The following PRKCI variants were observed in gnomAD, a reference collection of about 807,000 sequenced individuals.
PRKCI encodes the protein protein kinase C iota, also known as protein kinase C iota type.
Under a neutral mutation model 84.0 loss-of-function variants are expected in PRKCI, and 43 were observed. That is an observed-to-expected ratio of 0.51 (90% CI 0.40 to 0.66). PRKCI has a LOEUF of 0.66. Ranked by LOEUF, PRKCI falls within the 30% of genes least tolerant of loss-of-function variation. PRKCI has a pLI of 0.00. For synonymous variants in PRKCI, 216 were observed against 234.4 expected (o/e 0.92, Z 0.72); for missense variants, 459 against 745.6 (o/e 0.62, Z 4.48).
intron 12 of PRKCI, among the ~76,000 whole-genome samples, chr3:170,290,705 G>A (rs1407912171): frequency 6.6e-6 from 1 of 151,400 alleles, no homozygotes; most frequent in East Asian, 1.9e-4. Flanking sequence ...TTTACTCTTT[G>A]TATTTTGAGG....
chr3:170,297,128 C>T (rs900298100), intron 15 of PRKCI, among the ~76,000 whole-genome samples, 176 bp from the exon 16 acceptor site: 1 of 152,164 alleles, frequency 6.6e-6, no homozygotes, highest in Non-Finnish European at 1.5e-5. Context: ...CTTGAGGAAT[C>T]ACAAGTTTCA....
intron 13 of PRKCI, 170 bp from the exon 14 acceptor site, chr3:170,293,210 CTTG>C: frequency 1.9e-6 from 1 of 513,648 alleles, no homozygotes; most frequent in Middle Eastern, 5.4e-4. Context: ...GGTACCTACC[CTTG>C]TTGATAAATG....
intron 8 of PRKCI, 191 bp from the exon 9 acceptor site, chr3:170,280,036 A>G (rs943703760): frequency 7.4e-5 from 33 of 446,520 alleles, no homozygotes; most frequent in Admixed American, 1.3e-4. Context: ...TCTTATCTCA[A>G]AATTCATCCA....
chr3:170,260,138 A>G (rs1733686988), intron 3 of PRKCI, 80 bp downstream of exon 3: 8 of 915,990 alleles, frequency 8.7e-6, no homozygotes, highest in Non-Finnish European at 1.3e-5. Flanking sequence ...ATTTTGAAAC[A>G]TAATCTTAAT....
At chr3:170,228,338 G>T (rs1732688571) in intron 1 of PRKCI, among the ~76,000 whole-genome samples, 2 of 152,180 alleles carry the variant, frequency 1.3e-5, no homozygotes, top group African/African-American at 2.4e-5. Flanking sequence ...GGTGGTTCAT[G>T]CCTGTAATCC....
chr3:170,242,227 A>G (rs762066948), intron 2 of PRKCI, among the ~76,000 whole-genome samples: 53 of 152,248 alleles, frequency 3.5e-4, no homozygotes, highest in Admixed American at 8.5e-4. Context: ...TGTGTAGCCA[A>G]TGCTACTTCA....
At chr3:170,229,521 T>G (rs1223839627) in intron 1 of PRKCI, among the ~76,000 whole-genome samples, 2 of 152,178 alleles carry the variant, frequency 1.3e-5, no homozygotes, top group African/African-American at 4.8e-5. Context: ...GGTCTCAAGC[T>G]CCTGTGCTCA....
intron 4 of PRKCI, 118 bp downstream of exon 4, chr3:170,263,547 A>T: frequency 1.3e-6 from 1 of 775,962 alleles, no homozygotes; most frequent in South Asian, 2.0e-5. Flanking sequence ...AATGCCTGTA[A>T]TCCCAGCACT....
At chr3:170,275,155 T>G in intron 7 of PRKCI, 74 bp from the exon 8 acceptor site, 1 of 1,402,380 alleles carries the variant, frequency 7.1e-7, no homozygotes, top group Non-Finnish European at 9.3e-7. Context: ...TATTTCAAAC[T>G]CATTAATGGT....
At chr3:170,268,070 G>A in intron 5 of PRKCI, 70 bp downstream of exon 5, 1 of 1,285,258 alleles carries the variant, frequency 7.8e-7, no homozygotes, top group East Asian at 2.4e-5. Flanking sequence ...TGAAAGAAAG[G>A]TAGTTTGTTA....
intron 1 of PRKCI, among the ~76,000 whole-genome samples, chr3:170,230,228 TGATCTC>T (rs1732749876): frequency 6.6e-6 from 1 of 151,560 alleles, no homozygotes; most frequent in Non-Finnish European, 1.5e-5. Context: ...CCCAGTGGCG[TGATCTC>T]GTCTTACTGC....
At chr3:170,235,421 A>AT in intron 2 of PRKCI, 70 bp downstream of exon 2, 1 of 1,538,682 alleles carries the variant, frequency 6.5e-7, no homozygotes, top group Non-Finnish European at 8.9e-7. Context: ...TTGTAAAAAT[A>AT]TAATGAGTCC....
intron 8 of PRKCI, 76 bp from the exon 9 acceptor site, chr3:170,280,151 A>G: frequency 8.0e-7 from 1 of 1,246,872 alleles, no homozygotes; most frequent in Non-Finnish European, 1.1e-6. Context: ...CGTTATAGGT[A>G]CAACTAGGTG....
chr3:170,269,685 G>A (rs996827830), intron 5 of PRKCI, among the ~76,000 whole-genome samples: 9 of 151,958 alleles, frequency 5.9e-5, no homozygotes, highest in Non-Finnish European at 7.4e-5. Context: ...GACCAAGTGC[G>A]GTGGCTCACA....
At chr3:170,264,730 T>G (rs1028241520) in intron 4 of PRKCI, among the ~76,000 whole-genome samples, 3 of 152,186 alleles carry the variant, frequency 2.0e-5, no homozygotes, top group South Asian at 2.1e-4. Flanking sequence ...TTGGACACAT[T>G]AAAATTGTGG....
At chr3:170,290,415 A>G (rs1175653346) in intron 12 of PRKCI, among the ~76,000 whole-genome samples, 2 of 152,010 alleles carry the variant, frequency 1.3e-5, no homozygotes, top group Non-Finnish European at 2.9e-5. Context: ...ATGTGTACTT[A>G]AAAGGATATA....
intron 4 of PRKCI, among the ~76,000 whole-genome samples, 194 bp downstream of exon 4, chr3:170,263,623 G>A (rs1221857822): frequency 6.6e-6 from 1 of 151,942 alleles, no homozygotes; most frequent in Middle Eastern, 3.2e-3. Context: ...GCAACAAAGT[G>A]AGACCTTGTC....
intron 2 of PRKCI, among the ~76,000 whole-genome samples, chr3:170,257,639 T>G (rs978807777): frequency 6.6e-6 from 1 of 150,950 alleles, no homozygotes; most frequent in Non-Finnish European, 1.5e-5. Context: ...ATGAATGGAG[T>G]GTCAATCTGA....
In PRKCI at chr3:170,263,411, C is replaced by A; in HGVS notation, c.346C>A (p.Pro116Thr). ...TTGTGTACCAGAACGTCCTGGGATG[C>A]CTTGTCCAGGAGAAGATAGTGAGTG... ...FPCVPERPGM[P>T]CPGEDKSIYR... Residue 116 changes from proline to threonine, a missense_variant, in exon 4 of 18, where the codon CCT (proline) becomes ACT (threonine). By Grantham distance (38) the Pro-to-Thr change is conservative (BLOSUM62 -1). Around this residue, in one of 2 missense-constraint regions of PRKCI, gnomAD observed 250 missense variants for 319.7 expected, o/e 0.78. Transcript: ENST00000295797. The A allele has an allele frequency of 6.2e-7, 1 of 1,601,538 alleles. No homozygotes were observed. Among genetic ancestry groups the A allele is most frequent in the Non-Finnish European group, 8.6e-7 (1 of 1,168,828 alleles).
Sources: gnomAD v4.1 joint callset for allele counts (sites outside exome capture counted in the v4.1 genomes callset) on GRCh38, gnomAD v4.1.1 for gene constraint, gnomAD v4.1.1 regional missense constraint, MANE v1.5 for transcripts, NCBI Gene and HGNC (gene_info 2026-07-23, HGNC 2026-07-21) for gene names.